Variants in KNOP1 observed in about 807,000 individuals in gnomAD.
KNOP1 encodes lysine rich nucleolar protein 1.
Under a neutral mutation model 30.6 loss-of-function variants are expected in KNOP1, and 20 were observed. The observed-to-expected ratio is 0.65, with a 90% confidence interval of 0.46 to 0.95. The LOEUF (loss-of-function observed/expected upper bound fraction) is 0.95. KNOP1 is among the 40% of genes least tolerant of loss of function. The pLI is 0.00. For missense variants in KNOP1, 540 were observed against 562.0 expected, an observed-to-expected ratio of 0.96 and a Z score of 0.40; for synonymous variants, 204 against 210.0, an observed-to-expected ratio of 0.97 and a Z score of 0.25.
rs750865246 is a variant in KNOP1, at chr16:19,714,474, TC to T, written c.561del (p.Lys188ArgfsTer25). 1 of 1,614,052 alleles carries T rather than the reference TC, an allele frequency of 6.2e-7. No homozygotes were observed. ...ARDVGDTCSV[G>X]KKDEEQAALG... ...AAGGCTGCCTGTTCCTCATCCTTCT[TC>T]CCCACTGAGCAAGTGTCCCCAACAT... On this transcript the variant is annotated frameshift_variant, in exon 2 of 5. Coordinates refer to ENST00000219837, the MANE Select transcript of KNOP1 (RefSeq NM_001012991.3). LOFTEE classifies it high-confidence loss of function.
intron 1 of KNOP1, 81 bp downstream of exon 1, chr16:19,718,077 C>G: frequency 7.0e-7 from 1 of 1,425,318 alleles, no homozygotes; most frequent in Non-Finnish European, 9.1e-7. Flanking sequence ...CCGCATTTCC[C>G]CATCTTCCCC....
At position 19,713,489 on chromosome 16, in the gene KNOP1, CCTT is replaced by C. The variant is rs1976824399; in HGVS notation, c.918+626_918+628del. Among the ~76,000 whole-genome samples the C allele has an allele frequency of 5.9e-5, 9 of 152,278 alleles. No individual in the cohort carries two copies. In the South Asian group the frequency reaches 1.9e-3, roughly 32 times the overall value. On this transcript the variant is annotated intron_variant, in intron 2 of 4. Coordinates refer to ENST00000219837, the MANE Select transcript of KNOP1 (RefSeq NM_001012991.3). ...TCTGTCATAGATTTACAGGGGCCACCCTTCTTCCTTTGGGGGTGGCTGAACTGC... is the reference window on the plus strand; with the variant it reads ...TCTGTCATAGATTTACAGGGGCCACCCTTCCTTTGGGGGTGGCTGAACTGC...
intron 4 of KNOP1, among the ~76,000 whole-genome samples, chr16:19,708,840 G>T (rs56064636): frequency 0.18 from 27,589 of 151,972 alleles, 2,675 homozygotes; most frequent in South Asian, 0.26. Context: ...CACCCCACAT[G>T]GGTTTTGGGG....
intron 4 of KNOP1, among the ~76,000 whole-genome samples, chr16:19,708,230 C>T (rs1156798936): frequency 6.6e-6 from 1 of 151,744 alleles, no homozygotes; most frequent in East Asian, 2.0e-4. Flanking sequence ...ACAGCCAAGT[C>T]AGACTGAGCC....
At position 19,714,192 on chromosome 16, in the gene KNOP1, C is replaced by A; in HGVS notation, c.844G>T (p.Glu282Ter). 6.2e-7 allele frequency: 1 copy of A among 1,614,114 alleles called. No homozygotes were observed. The highest frequency in any genetic ancestry group is 1.3e-5 in the African/African-American group (1 of 75,020). The change falls in exon 2 of 5, where the codon GAG (glutamate) becomes TAG (stop). Residue 282 changes from glutamate (E) to a stop codon, truncating the protein, a stop_gained. Transcript: ENST00000219837. LOFTEE classifies it high-confidence loss of function. ...TTCTTCCTTTTCAGAGCTGGCTCCT[C>A]GATGACTGGCTGCTCTACCTTCTTT... ...SKKKVEQPVI[E>*]EPALKRKKKK...
At chr16:19,710,365 G>T in intron 4 of KNOP1, 144 bp downstream of exon 4, 1 of 791,244 alleles carries the variant, frequency 1.3e-6, no homozygotes. Flanking sequence ...ATTCTGCTGT[G>T]GAGGGAGCCT....
chr16:19,706,997 C>CCGGCTGTACTTCCAGGG lies in KNOP1; in HGVS notation c.1289_1290insCCCTGGAAGTACAGCCG (p.Gly431ProfsTer37). On this transcript the variant is annotated frameshift_variant, in exon 5 of 5. Coordinates refer to ENST00000219837, the MANE Select transcript of KNOP1 (RefSeq NM_001012991.3). LOFTEE classifies it high-confidence loss of function. ...CGGTGGAGAAGCCGAGGCCGGCTCC[C>CCGGCTGTACTTCCAGGG]CGGCTGTACTTCCAGCTCATGGCCC... 1 of 1,614,002 alleles carries CCGGCTGTACTTCCAGGG rather than the reference C, an allele frequency of 6.2e-7. No homozygotes were observed. The highest frequency in any genetic ancestry group is 8.5e-7 in the Non-Finnish European group (1 of 1,180,032).
intron 1 of KNOP1, chr16:19,717,504 C>A (rs1054295943): frequency 2.0e-6 from 2 of 985,206 alleles, no homozygotes; most frequent in Non-Finnish European, 2.4e-6. Context: ...AACAAAGAAT[C>A]CACCGGGAGG....
chr16:19,708,254 C>CG, intron 4 of KNOP1, among the ~76,000 whole-genome samples: 1 of 151,868 alleles, frequency 6.6e-6, no homozygotes. Context: ...CCCAAGAACT[C>CG]GGGGGTCCCC....
Position 19,714,492 on chromosome 16 carries a change from C to G in KNOP1, c.544G>C (p.Asp182His), listed in dbSNP as rs1404377324. Residue 182 changes from aspartate (D) to histidine (H), a missense_variant, in exon 2 of 5, where the codon GAC becomes CAC. Asp to His is a moderately conservative substitution (Grantham distance 81, BLOSUM62 -1). Transcript: ENST00000219837. ...TCCTTCTTCCCCACTGAGCAAGTGT[C>G]CCCAACATCCCTGGCCTCCCTGGCC... ...CEAREARDVG[D>H]TCSVGKKDEE... 6.2e-7 allele frequency: 1 copy of G among 1,614,092 alleles called. No homozygotes were observed. The highest frequency in any genetic ancestry group is 8.5e-7 in the Non-Finnish European group (1 of 1,180,016).
At chr16:19,707,716 T>TC (rs1567509569) in intron 4 of KNOP1, among the ~76,000 whole-genome samples, 1 of 47,316 alleles carries the variant, frequency 2.1e-5, no homozygotes, top group Non-Finnish European at 3.8e-5. Flanking sequence ...CAGAGCACAC[T>TC]CCCCCCACGA....
intron 2 of KNOP1, 130 bp from the exon 3 acceptor site, chr16:19,711,570 G>A (rs1384379790): frequency 5.1e-6 from 4 of 783,314 alleles, no homozygotes; most frequent in Admixed American, 2.1e-5. Flanking sequence ...CCCCAGCCCT[G>A]CCACCTAGAA....
Position 19,714,421 on chromosome 16 carries a change from G to T in KNOP1, c.615C>A (p.Pro205=). 6.2e-7 allele frequency: 1 copy of T among 1,613,496 alleles called. No homozygotes were observed. The highest frequency in any genetic ancestry group is 8.5e-7 in the Non-Finnish European group (1 of 1,179,922). Residue 205 remains proline, a synonymous_variant, in exon 2 of 5, where the codon CCC becomes CCA. Transcript: ENST00000219837. Reference sequence around the variant, plus strand: ...TCTTCACCTTCCCATTGTGTTCTCTGGGGCTCTTCCGCTTCCGTTTCTGCC... The same window carrying T: ...TCTTCACCTTCCCATTGTGTTCTCTTGGGCTCTTCCGCTTCCGTTTCTGCC... The part of the protein sequence containing the change: ...ALGQKRKRKS[P]REHNGKVKKK...
intron 3 of KNOP1, among the ~76,000 whole-genome samples, chr16:19,711,003 C>A (rs541761031): frequency 6.6e-6 from 1 of 152,016 alleles, no homozygotes; most frequent in Non-Finnish European, 1.5e-5. Flanking sequence ...ACGACAGAAG[C>A]GGAAGCTGAT....
In KNOP1 at chr16:19,703,788, A is replaced by G. The variant is rs888041928; in HGVS notation, c.*3122T>C. 2.0e-5 allele frequency: 3 copies of G among 152,196 alleles called. No individual in the cohort carries two copies. The highest frequency in any genetic ancestry group is 4.4e-5 in the Non-Finnish European group (3 of 68,052). The allele number at this position is 152,196 out of a possible 1,614,324, so 9.4% of individuals were successfully genotyped here. ...CACTGGCAGAAAGCAAAAGGACAAG[A>G]TTAAGTCCATTCTGAAGACACCCAG... On this transcript the variant is annotated 3_prime_UTR_variant, in exon 5 of 5. Coordinates refer to ENST00000219837, the MANE Select transcript of KNOP1 (RefSeq NM_001012991.3).
In KNOP1 at chr16:19,709,175, C is replaced by T. The variant is rs144267407; in HGVS notation, c.1065+1334G>A. Among the ~76,000 whole-genome samples, 32 of 152,280 alleles carry T rather than the reference C, an allele frequency of 2.1e-4. No homozygotes were observed. In the East Asian group the frequency reaches 5.2e-3, roughly 25 times the overall value. On this transcript the variant is annotated intron_variant, in intron 4 of 4. Transcript: ENST00000219837. ...CTCCATACCCCACCAGGCCAGGGTA[C>T]GAGTCCCATTTTACAGGCTCAGGGG...
At chr16:19,715,059 G>A (rs1976952361) in intron 1 of KNOP1, 22 bp from the exon 2 acceptor site, 3 of 1,508,912 alleles carry the variant, frequency 2.0e-6, no homozygotes, top group African/African-American at 1.4e-5. Flanking sequence ...AATGGTACAA[G>A]TTATCCCATA....
chr16:19,716,789 A>G (rs1245776893), intron 1 of KNOP1, among the ~76,000 whole-genome samples: 1 of 152,226 alleles, frequency 6.6e-6, no homozygotes, highest in Admixed American at 6.5e-5. Context: ...TTATTACAGT[A>G]TACTGTTGTA....
chr16:19,703,835 C>T lies in KNOP1; in HGVS notation c.*3075G>A, dbSNP rs1485479580. ...CCAGCATTGTGGTGTCTTGGCTGCC[C>T]AACCTCCACTGGTGAGACGTAAAGT... is the stretch of plus-strand genomic sequence containing the variant. On this transcript the variant is annotated 3_prime_UTR_variant, in exon 5 of 5. Coordinates refer to ENST00000219837, the MANE Select transcript of KNOP1 (RefSeq NM_001012991.3). The T allele has an allele frequency of 2.0e-5, 3 of 152,166 alleles. No individual in the cohort carries two copies. The highest frequency in any genetic ancestry group is 2.4e-5 in the African/African-American group (1 of 41,446). The allele number at this position is 152,166 out of a possible 1,614,324, so 9.4% of individuals were successfully genotyped here.
Sources: allele counts gnomAD v4.1 joint callset (sites outside exome capture counted in the v4.1 genomes callset), GRCh38; gene constraint gnomAD v4.1.1; transcripts MANE v1.5; gene names NCBI Gene and HGNC (gene_info 2026-07-23, HGNC 2026-07-21).